Variants in UNC5D observed in about 807,000 individuals in gnomAD.
The protein encoded by UNC5D is unc-5 netrin receptor D.
Under a neutral mutation model 105.4 loss-of-function variants are expected in UNC5D, and 39 were observed. That is an observed-to-expected ratio of 0.37 (90% CI 0.29 to 0.48). The LOEUF (loss-of-function observed/expected upper bound fraction) is 0.48, where lower values mean the gene tolerates loss of function less well. Among genes scored for constraint, UNC5D ranks in the 20% least tolerant of loss-of-function variants. UNC5D has a pLI of 0.98. For synonymous variants in UNC5D, 452 were observed against 450.4 expected, an observed-to-expected ratio of 1.00 and a Z score of -0.04; for missense variants, 991 against 1,202.4, an observed-to-expected ratio of 0.82 and a Z score of 2.60.
intron 1 of UNC5D, among the ~76,000 whole-genome samples, chr8:35,377,369 A>G (rs2128929413): frequency 6.6e-6 from 1 of 152,246 alleles, no homozygotes; most frequent in Non-Finnish European, 1.5e-5. Flanking sequence ...GAACCTGTGA[A>G]CACAGCTCCT....
At chr8:35,319,504 C>T (rs552109032) in intron 1 of UNC5D, among the ~76,000 whole-genome samples, 11 of 152,186 alleles carry the variant, frequency 7.2e-5, no homozygotes, top group East Asian at 1.9e-4. Flanking sequence ...TGATATAATA[C>T]GTTCTTGTCT....
intron 1 of UNC5D, among the ~76,000 whole-genome samples, chr8:35,318,618 C>T (rs559887542): frequency 2.0e-5 from 3 of 152,214 alleles, no homozygotes; most frequent in African/African-American, 7.2e-5. Flanking sequence ...GTGAGTACCA[C>T]ATAATAGGTC....
intron 15 of UNC5D, among the ~76,000 whole-genome samples, chr8:35,772,480 G>A (rs574110999): frequency 1.3e-5 from 2 of 152,156 alleles, no homozygotes; most frequent in African/African-American, 4.8e-5. Flanking sequence ...TGGTTGTGGT[G>A]CCCACATTAG....
chr8:35,518,114 T>C (rs1197954343), intron 1 of UNC5D, among the ~76,000 whole-genome samples: 2 of 151,998 alleles, frequency 1.3e-5, no homozygotes, highest in South Asian at 4.1e-4. Flanking sequence ...CTTTTTAAAA[T>C]ACTGAAAAAA....
chr8:35,525,096 C>T, intron 1 of UNC5D: 5 of 1,465,926 alleles, frequency 3.4e-6, no homozygotes, highest in South Asian at 1.2e-5. Context: ...GATCCCTTCC[C>T]TCCCCCGGCC....
chr8:35,346,764 A>G (rs1013387034), intron 1 of UNC5D, among the ~76,000 whole-genome samples: 1 of 152,144 alleles, frequency 6.6e-6, no homozygotes, highest in East Asian at 1.9e-4. Flanking sequence ...TCACTATTAC[A>G]AATATTAATC....
chr8:35,360,988 A>G (rs1313062774), intron 1 of UNC5D, among the ~76,000 whole-genome samples: 5 of 149,598 alleles, frequency 3.3e-5, no homozygotes, highest in Admixed American at 6.6e-5. Flanking sequence ...TTTAAAATAT[A>G]TATACTCTCA....
At chr8:35,673,878 G>A (rs999400086) in intron 4 of UNC5D, among the ~76,000 whole-genome samples, 1 of 152,086 alleles carries the variant, frequency 6.6e-6, no homozygotes, top group Non-Finnish European at 1.5e-5. Flanking sequence ...AGGATATATC[G>A]CCACAGCAGG....
chr8:35,736,988 T>A (rs961234893), intron 11 of UNC5D, among the ~76,000 whole-genome samples: 1 of 152,158 alleles, frequency 6.6e-6, no homozygotes, highest in African/African-American at 2.4e-5. Context: ...TCCACCAATA[T>A]TGCCCAAGTT....
chr8:35,443,613 G>A (rs1206987651), intron 1 of UNC5D, among the ~76,000 whole-genome samples: 1 of 151,912 alleles, frequency 6.6e-6, no homozygotes, highest in African/African-American at 2.4e-5. Flanking sequence ...AGAGGGCACT[G>A]CATCATTTCT....
intron 4 of UNC5D, among the ~76,000 whole-genome samples, chr8:35,643,292 A>G (rs760321802): frequency 2.6e-5 from 4 of 152,074 alleles, no homozygotes; most frequent in Non-Finnish European, 4.4e-5. Flanking sequence ...GTTGAGAACC[A>G]CCACCCTAAT....
At chr8:35,706,005 T>G in intron 8 of UNC5D, 44 bp downstream of exon 8, 1 of 1,221,854 alleles carries the variant, frequency 8.2e-7, no homozygotes, top group Non-Finnish European at 1.2e-6. Flanking sequence ...TTCTCATATT[T>G]GCTGCCTTGC....
intron 3 of UNC5D, among the ~76,000 whole-genome samples, chr8:35,588,178 G>C (rs951986652): frequency 6.6e-6 from 1 of 151,424 alleles, no homozygotes; most frequent in Non-Finnish European, 1.5e-5. Context: ...GAGATCAGAG[G>C]GTGGAAATCT....
At chr8:35,780,376 C>G (rs1190673904) in intron 16 of UNC5D, among the ~76,000 whole-genome samples, 1 of 152,172 alleles carries the variant, frequency 6.6e-6, no homozygotes, top group Non-Finnish European at 1.5e-5. Context: ...AGAATCTTCT[C>G]GCATTGAGGT....
At chr8:35,380,566 A>G (rs1028685549) in intron 1 of UNC5D, among the ~76,000 whole-genome samples, 1 of 152,114 alleles carries the variant, frequency 6.6e-6, no homozygotes, top group Non-Finnish European at 1.5e-5. Flanking sequence ...CATTTAGGAT[A>G]TGATTTTTAT....
intron 7 of UNC5D, among the ~76,000 whole-genome samples, chr8:35,700,005 C>T (rs142023383): frequency 5.3e-5 from 8 of 152,182 alleles, no homozygotes; most frequent in African/African-American, 1.9e-4. Flanking sequence ...TTTGAACACT[C>T]GGAGGAGAAC....
chr8:35,569,822 T>C (rs1176227943), intron 3 of UNC5D, among the ~76,000 whole-genome samples: 2 of 152,206 alleles, frequency 1.3e-5, no homozygotes, highest in East Asian at 3.9e-4. Context: ...TTCAAGGCTC[T>C]ATCTGCAAAA....
intron 7 of UNC5D, 54 bp downstream of exon 7, chr8:35,686,763 T>G: frequency 6.6e-7 from 1 of 1,504,362 alleles, no homozygotes; most frequent in Non-Finnish European, 8.8e-7. Context: ...CATTTATGCA[T>G]CTCAAGAAAG....
At chr8:35,512,607 T>A (rs1280114876) in intron 1 of UNC5D, among the ~76,000 whole-genome samples, 1 of 134,324 alleles carries the variant, frequency 7.4e-6, no homozygotes, top group Non-Finnish European at 1.5e-5. Context: ...TTGGCTACCA[T>A]GTAGAATGGA....
Sources: allele counts gnomAD v4.1 joint callset (sites outside exome capture counted in the v4.1 genomes callset), GRCh38; gene constraint gnomAD v4.1.1; transcripts MANE v1.5; gene names NCBI Gene and HGNC (gene_info 2026-07-23, HGNC 2026-07-21).